The following SLC8A3 variants were observed in gnomAD, a reference collection of about 807,000 sequenced individuals.
SLC8A3 encodes the protein solute carrier family 8 member A3.
In SLC8A3, 37 loss-of-function variants were observed where a neutral mutation model predicts 65.4. The ratio of observed to expected loss-of-function variants is 0.57; its 90% CI spans 0.44 to 0.74. The LOEUF (loss-of-function observed/expected upper bound fraction) is 0.74, where lower values mean the gene tolerates loss of function less well. Among genes scored for constraint, SLC8A3 ranks in the 30% least tolerant of loss-of-function variants. The probability of loss-of-function intolerance (pLI) is 0.00; values close to 1 mark genes in which losing one functional copy is unlikely to be tolerated. For synonymous variants in SLC8A3, 461 were observed against 444.5 expected (o/e 1.04, Z -0.47); for missense variants, 1,112 against 1,172.1 (o/e 0.95, Z 0.75).
At chr14:70,089,576 A>G (rs1220711850) in intron 2 of SLC8A3, among the ~76,000 whole-genome samples, 1 of 152,196 alleles carries the variant, frequency 6.6e-6, no homozygotes, top group Non-Finnish European at 1.5e-5. Context: ...GACACTTTCA[A>G]GTTGGGCATG....
intron 2 of SLC8A3, among the ~76,000 whole-genome samples, chr14:70,163,425 G>A (rs1896992296): frequency 6.6e-6 from 1 of 152,190 alleles, no homozygotes; most frequent in African/African-American, 2.4e-5. Context: ...TATTGATAGA[G>A]CACAGGCCTG....
chr14:70,073,818 G>C (rs1262641480), intron 2 of SLC8A3, among the ~76,000 whole-genome samples: 1 of 152,142 alleles, frequency 6.6e-6, no homozygotes, highest in Non-Finnish European at 1.5e-5. Context: ...AGAGGAGCTG[G>C]CTCTTCAGGA....
chr14:70,171,744 G>A (rs8005725), intron 1 of SLC8A3, among the ~76,000 whole-genome samples: 33,512 of 152,130 alleles, frequency 0.22, 4,410 homozygotes, highest in Admixed American at 0.32. Context: ...AGGTTGCAGT[G>A]AGCCAAGATC....
At chr14:70,174,191 C>T (rs767870025) in intron 1 of SLC8A3, among the ~76,000 whole-genome samples, 1 of 152,190 alleles carries the variant, frequency 6.6e-6, no homozygotes, top group Admixed American at 6.5e-5. Context: ...AGCAAAGGCT[C>T]AAGGAGGGCA....
intron 2 of SLC8A3, among the ~76,000 whole-genome samples, chr14:70,093,052 T>A (rs1891912143): frequency 6.6e-6 from 1 of 152,182 alleles, no homozygotes; most frequent in Non-Finnish European, 1.5e-5. Flanking sequence ...GAATCAGGAA[T>A]TGAGGTGGGA....
intron 1 of SLC8A3, among the ~76,000 whole-genome samples, chr14:70,183,864 G>A (rs1297203445): frequency 1.3e-5 from 2 of 152,188 alleles, no homozygotes; most frequent in African/African-American, 4.8e-5. Flanking sequence ...TCGGCTGATA[G>A]AAAAGTGCAA....
chr14:70,186,189 G>A (rs541126202), intron 1 of SLC8A3, among the ~76,000 whole-genome samples: 8 of 135,234 alleles, frequency 5.9e-5, no homozygotes, highest in Admixed American at 2.9e-4. Flanking sequence ...CCTTTTTTTC[G>A]TCACTTCTTG....
chr14:70,128,894 G>A (rs1894649986), intron 2 of SLC8A3, among the ~76,000 whole-genome samples: 1 of 152,116 alleles, frequency 6.6e-6, no homozygotes, highest in African/African-American at 2.4e-5. Flanking sequence ...AATGTAGGAT[G>A]TCTTGACATT....
chr14:70,174,603 G>C (rs905843150), intron 1 of SLC8A3, among the ~76,000 whole-genome samples: 72 of 150,386 alleles, frequency 4.8e-4, no homozygotes, highest in African/African-American at 1.7e-3. Flanking sequence ...GAAAAGTCAA[G>C]GAGAGCCTAC....
At chr14:70,056,283 A>G (rs564942709) in intron 3 of SLC8A3, among the ~76,000 whole-genome samples, 60 of 152,170 alleles carry the variant, frequency 3.9e-4, no homozygotes, top group Non-Finnish European at 6.9e-4. Flanking sequence ...ATGGGAGCTC[A>G]AGGAAATGGG....
At chr14:70,057,437 G>C (rs1014916066) in intron 3 of SLC8A3, among the ~76,000 whole-genome samples, 2 of 152,150 alleles carry the variant, frequency 1.3e-5, no homozygotes, top group Non-Finnish European at 2.9e-5. Flanking sequence ...AATGAACACA[G>C]GTGGGTCAGA....
chr14:70,187,210 C>A (rs1039591047), intron 1 of SLC8A3: 1 of 152,988 alleles, frequency 6.5e-6, no homozygotes. Context: ...CCCGGGAGAC[C>A]TAACCGCCGA....
At position 70,095,650 on chromosome 14, in the gene SLC8A3, C is replaced by T. The variant is rs545353545; in HGVS notation, c.1785-34711G>A. On this transcript the variant is annotated intron_variant, in intron 2 of 6. Transcript: ENST00000356921. ...AGGATACTATGGCTGCCTGAAACAA[C>T]GATATGTAAACTTGGGAGGGTGGAT... Among the ~76,000 whole-genome samples the T allele has an allele frequency of 8.5e-5, 13 of 152,218 alleles. No individual in the cohort carries two copies. The South Asian group carries it at 1.2e-3, about 15-fold the overall frequency.
chr14:70,058,058 T>C (rs1250485114), intron 3 of SLC8A3, among the ~76,000 whole-genome samples: 1 of 152,218 alleles, frequency 6.6e-6, no homozygotes, highest in African/African-American at 2.4e-5. Context: ...TTCCCTTTTT[T>C]CCATCCCCCA....
chr14:70,167,628 G>C lies in SLC8A3; in HGVS notation c.795C>G (p.Tyr265Ter). Residue 265 changes from tyrosine (Y) to a stop codon, truncating the protein, a stop_gained, in exon 2 of 7, where the codon TAC (tyrosine) becomes TAG (stop). Transcript: ENST00000356921. LOFTEE classifies it high-confidence loss of function. ...LLFYKYMHKKYRTDKHRGIII... is the reference protein window; with the variant it reads ...LLFYKYMHKK ...TAATTCCTCGGTGTTTGTCTGTGCGGTACTTTTTGTGCATGTATTTGTAGA... is the reference window on the plus strand; with the variant it reads ...TAATTCCTCGGTGTTTGTCTGTGCGCTACTTTTTGTGCATGTATTTGTAGA... The C allele has an allele frequency of 6.2e-7, 1 of 1,614,080 alleles. No homozygotes were observed. The highest frequency in any genetic ancestry group is 8.5e-7 in the Non-Finnish European group (1 of 1,180,022).
Position 70,166,639 on chromosome 14 carries a change from A to C in SLC8A3, c.1784T>G (p.Val595Gly), listed in dbSNP as rs765198058. The C allele has an allele frequency of 3.8e-6, 6 of 1,564,070 alleles. No individual in the cohort carries two copies. The highest frequency in any genetic ancestry group is 5.2e-6 in the Non-Finnish European group (6 of 1,146,958). ...GELEFKNDET[V>G]KTIRVKIVDE... ...GGCAGAATACAGGAAGGTTACTTACACAGTTTCATCATTCTTGAATTCCAA... is the reference window on the plus strand; with the variant it reads ...GGCAGAATACAGGAAGGTTACTTACCCAGTTTCATCATTCTTGAATTCCAA... Residue 595 changes from valine (V) to glycine (G), a missense_variant and splice_region_variant, in exon 2 of 7, where the codon GTG becomes GGG. By Grantham distance (109) the Val-to-Gly change is moderately radical (BLOSUM62 -3). Transcript: ENST00000356921.
intron 2 of SLC8A3, among the ~76,000 whole-genome samples, chr14:70,154,296 A>G (rs1240064638): frequency 6.6e-6 from 1 of 152,190 alleles, no homozygotes; most frequent in East Asian, 1.9e-4. Flanking sequence ...ATTTTTTTGT[A>G]TTTTTATTAT....
chr14:70,160,146 A>T (rs1005377389), intron 2 of SLC8A3, among the ~76,000 whole-genome samples: 50 of 152,240 alleles, frequency 3.3e-4, no homozygotes, highest in African/African-American at 1.2e-3. Flanking sequence ...TCTAGAGATG[A>T]TTTAAAGTAT....
intron 2 of SLC8A3, among the ~76,000 whole-genome samples, chr14:70,109,449 G>A (rs1483109498): frequency 3.7e-5 from 2 of 53,966 alleles, no homozygotes; most frequent in African/African-American, 1.2e-4. Context: ...ATATGTACGT[G>A]TGTGTATATA....
Sources: gnomAD v4.1 joint callset for allele counts (sites outside exome capture counted in the v4.1 genomes callset) on GRCh38, gnomAD v4.1.1 for gene constraint, MANE v1.5 for transcripts, NCBI Gene and HGNC (gene_info 2026-07-23, HGNC 2026-07-21) for gene names.